The following ATG7 variants were observed in gnomAD, a reference collection of about 807,000 sequenced individuals.
The protein encoded by ATG7 is ubiquitin-like modifier-activating enzyme ATG7.
A neutral mutation model predicts 82.4 loss-of-function variants in ATG7; 70 were observed. The observed-to-expected ratio is 0.85, with a 90% CI of 0.70 to 1.04. The LOEUF is 1.04. Ranked by LOEUF, ATG7 falls within the 50% of genes least tolerant of loss-of-function variation. ATG7 has a pLI of 0.00. For synonymous variants in ATG7, 287 were observed against 313.0 expected (o/e 0.92, Z 0.88); for missense variants, 792 against 864.3 (o/e 0.92, Z 1.05).
Position 11,310,395 on chromosome 3 carries a change from G to A in ATG7, c.411+1334G>A, listed in dbSNP as rs80039262. Among the ~76,000 whole-genome samples, 644 of 151,974 alleles carry A rather than the reference G, an allele frequency of 4.2e-3. 5 individuals carry two copies. The highest frequency in any genetic ancestry group is 0.015 in the African/African-American group (605 of 41,448). On this transcript the variant is annotated intron_variant, in intron 7 of 20. Transcript: ENST00000693202. ...AGTTTTCCTTCCCCGACCTCCCACCGTTCCTCCTAGATTCCTAGATGCAGG... is the reference window on the plus strand; with the variant it reads ...AGTTTTCCTTCCCCGACCTCCCACCATTCCTCCTAGATTCCTAGATGCAGG...
At chr3:11,475,161 C>G (rs575102734) in intron 20 of ATG7, among the ~76,000 whole-genome samples, 2 of 151,792 alleles carry the variant, frequency 1.3e-5, no homozygotes, top group Non-Finnish European at 2.9e-5. Context: ...CATCATAGAC[C>G]AGGCCAGGGA....
intron 20 of ATG7, among the ~76,000 whole-genome samples, chr3:11,515,282 A>G (rs1298127167): frequency 8.4e-6 from 1 of 119,756 alleles, no homozygotes; most frequent in Non-Finnish European, 1.8e-5. Context: ...GTTTCTACTC[A>G]CTGTGTCTCT....
chr3:11,422,561 A>G lies in ATG7; in HGVS notation c.1957-4243A>G, dbSNP rs1217032020. The stretch of plus-strand genomic sequence containing the variant: ...TGGTTTGATCTTCCAGATCACTAAA[A>G]CTTTCTCTGTAGCTCTTTTACTTTA... On this transcript the variant is annotated intron_variant, in intron 19 of 20. Transcript: ENST00000693202. 2.0e-5 allele frequency among the ~76,000 whole-genome samples: 3 copies of G among 151,958 alleles called. No homozygotes were observed. In the East Asian group the frequency reaches 5.8e-4, roughly 29 times the overall value.
downstream of ATG7, chr3:11,558,426 G>A (rs887622060): frequency 2.1e-5 from 29 of 1,387,140 alleles, no homozygotes; most frequent in Non-Finnish European, 1.9e-6. Context: ...CAACAACATG[G>A]TTTTTGCAAA....
At chr3:11,494,652 A>G (rs2090667325) in intron 20 of ATG7, among the ~76,000 whole-genome samples, 1 of 152,204 alleles carries the variant, frequency 6.6e-6, no homozygotes, top group South Asian at 2.1e-4. Flanking sequence ...GCAGAGCAGA[A>G]TAGATCATCT....
chr3:11,537,500 A>G (rs2070420031), intron 20 of ATG7, among the ~76,000 whole-genome samples: 1 of 152,188 alleles, frequency 6.6e-6, no homozygotes, highest in African/African-American at 2.4e-5. Flanking sequence ...TGCTGGCTGA[A>G]TGGATGGAGA....
At chr3:11,337,308 C>G (rs1391625292) in intron 11 of ATG7, among the ~76,000 whole-genome samples, 3 of 152,050 alleles carry the variant, frequency 2.0e-5, no homozygotes. Flanking sequence ...CAAAAATTAG[C>G]TGGGCATGGT....
intron 20 of ATG7, among the ~76,000 whole-genome samples, chr3:11,439,255 G>A (rs1313838533): frequency 6.6e-6 from 1 of 151,626 alleles, no homozygotes; most frequent in Non-Finnish European, 1.5e-5. Flanking sequence ...TTTTAGTAGG[G>A]ATGGGGTTTC....
At chr3:11,516,431 A>T (rs1240709063) in intron 20 of ATG7, among the ~76,000 whole-genome samples, 1 of 152,236 alleles carries the variant, frequency 6.6e-6, no homozygotes, top group Non-Finnish European at 1.5e-5. Context: ...GCCAAAATGC[A>T]AAACACTGAC....
chr3:11,308,107 C>G (rs114475518), intron 6 of ATG7, among the ~76,000 whole-genome samples: 264 of 152,260 alleles, frequency 1.7e-3, no homozygotes, highest in African/African-American at 6.0e-3. Flanking sequence ...TTACCGGAAA[C>G]TGGGGGCCTC....
chr3:11,421,949 T>C (rs2081970450), intron 19 of ATG7, among the ~76,000 whole-genome samples: 1 of 152,172 alleles, frequency 6.6e-6, no homozygotes, highest in Admixed American at 6.5e-5. Flanking sequence ...GAAAGGAACC[T>C]TTTTTTCTGA....
chr3:11,320,563 C>G (rs1950084647), intron 9 of ATG7, among the ~76,000 whole-genome samples: 3 of 152,234 alleles, frequency 2.0e-5, no homozygotes, highest in Non-Finnish European at 4.4e-5. Flanking sequence ...GCTGGGATTA[C>G]AGGCGTGAAC....
intron 20 of ATG7, among the ~76,000 whole-genome samples, chr3:11,521,910 C>T (rs184047894): frequency 5.9e-5 from 9 of 152,256 alleles, no homozygotes; most frequent in Admixed American, 1.3e-4. Context: ...AGACTGCCGC[C>T]GCTGCCGACA....
At chr3:11,481,963 T>C (rs1164829904) in intron 20 of ATG7, among the ~76,000 whole-genome samples, 1 of 152,184 alleles carries the variant, frequency 6.6e-6, no homozygotes, top group Admixed American at 6.5e-5. Context: ...AGGTGGTAAG[T>C]CAGTGTCATG....
intron 20 of ATG7, among the ~76,000 whole-genome samples, chr3:11,509,979 G>C (rs1241777307): frequency 6.6e-6 from 1 of 152,162 alleles, no homozygotes; most frequent in African/African-American, 2.4e-5. Flanking sequence ...TATCAGGGAA[G>C]CTTTCTAAGT....
rs192327410 is a variant in ATG7 at position 11,349,645 on chromosome 3, T to A, written c.1284+1610T>A. ...AGTTGCACAGCATTATGAGTTTAAG[T>A]TGAGGAATTTAGGAGTGTATATATT... On this transcript the variant is annotated intron_variant, in intron 14 of 20. Coordinates refer to ENST00000693202, the MANE Select transcript of ATG7 (RefSeq NM_001349232.2). Among the ~76,000 whole-genome samples, 877 of 152,334 alleles carry A rather than the reference T, an allele frequency of 5.8e-3. 6 individuals are homozygous for A. Among genetic ancestry groups the A allele is most frequent in the Admixed American group, 9.7e-3 (149 of 15,294 alleles).
intron 19 of ATG7, among the ~76,000 whole-genome samples, chr3:11,407,785 C>T (rs1010021744): frequency 6.6e-6 from 1 of 152,210 alleles, no homozygotes; most frequent in African/African-American, 2.4e-5. Context: ...GCTGGAGTGT[C>T]TGGGATGCAG....
At chr3:11,559,065 G>A (rs2072715312), downstream of ATG7, among the ~76,000 whole-genome samples, 1 of 152,228 alleles carries the variant, frequency 6.6e-6, no homozygotes, top group Admixed American at 6.5e-5. Flanking sequence ...AGAGAATGTG[G>A]CATTAAATTT....
At chr3:11,496,833 C>T (rs1482523101) in intron 20 of ATG7, among the ~76,000 whole-genome samples, 1 of 151,810 alleles carries the variant, frequency 6.6e-6, no homozygotes, top group Non-Finnish European at 1.5e-5. Context: ...TAGGCCTTTC[C>T]TTATGTCATG....
Sources: gnomAD v4.1 joint callset for allele counts (sites outside exome capture counted in the v4.1 genomes callset) on GRCh38, gnomAD v4.1.1 for gene constraint, MANE v1.5 for transcripts, NCBI Gene and HGNC (gene_info 2026-07-23, HGNC 2026-07-21) for gene names.